Variants in ASAP2 observed in about 807,000 individuals in gnomAD.
The protein encoded by ASAP2 is ArfGAP with SH3 domain, ankyrin repeat and PH domain 2.
ASAP2 carries 45 observed loss-of-function variants against 131.4 expected under a neutral mutation model. The ratio of observed to expected loss-of-function variants is 0.34; its 90% CI spans 0.27 to 0.44. The LOEUF (loss-of-function observed/expected upper bound fraction) is 0.44, where lower values mean the gene tolerates loss of function less well. Ranked by LOEUF, ASAP2 falls within the 20% of genes least tolerant of loss-of-function variation. The pLI, the probability that ASAP2 is intolerant of heterozygous loss-of-function variation, is 1.00. For missense variants in ASAP2, 1,011 were observed against 1,297.0 expected, an observed-to-expected ratio of 0.78 and a Z score of 3.39; for synonymous variants, 510 against 503.0, an observed-to-expected ratio of 1.01 and a Z score of -0.19.
intron 1 of ASAP2, among the ~76,000 whole-genome samples, chr2:9,243,947 G>A (rs959416081): frequency 4.6e-5 from 7 of 152,098 alleles, no homozygotes; most frequent in Non-Finnish European, 1.0e-4. Context: ...ATATGTATAT[G>A]AAGTTTTCTT....
chr2:9,361,429 T>C (rs1193026256), intron 15 of ASAP2, among the ~76,000 whole-genome samples: 1 of 152,210 alleles, frequency 6.6e-6, no homozygotes, highest in Non-Finnish European at 1.5e-5. Flanking sequence ...GCTCTAAACC[T>C]TATTCCTTAG....
chr2:9,324,138 C>G (rs562245123), intron 6 of ASAP2, among the ~76,000 whole-genome samples: 1 of 152,194 alleles, frequency 6.6e-6, no homozygotes, highest in South Asian at 2.1e-4. Context: ...CTCTTAATTC[C>G]CTCTGAGCAA....
intron 1 of ASAP2, among the ~76,000 whole-genome samples, chr2:9,270,785 A>ATTTTTTTTTTTTTTTC (rs1666303613): frequency 3.8e-5 from 2 of 52,924 alleles, no homozygotes; most frequent in Non-Finnish European, 6.9e-5. Context: ...AATTGTTTTC[A>ATTTTTTTTTTTTTTTC]TTTTTTTTTT....
chr2:9,250,408 A>G (rs1262264132), intron 1 of ASAP2, among the ~76,000 whole-genome samples: 2 of 152,216 alleles, frequency 1.3e-5, no homozygotes, highest in Non-Finnish European at 2.9e-5. Context: ...CCCAGGTGCC[A>G]TGCATGACTT....
In ASAP2 at chr2:9,404,746, T is replaced by C. The variant is rs1187744590; in HGVS notation, c.*1419T>C. ...TGCAAGACTGTGTAGAGTTTTTTTT[T>C]TTTTTGGCATTGTACTTTTTGTTTT... On this transcript the variant is annotated 3_prime_UTR_variant, in exon 28 of 28. Coordinates refer to ENST00000281419, the MANE Select transcript of ASAP2 (RefSeq NM_003887.3). 6.6e-6 allele frequency: 1 copy of C among 152,606 alleles called. No individual in the cohort carries two copies. Among genetic ancestry groups the C allele is most frequent in the Admixed American group, 6.5e-5 (1 of 15,280 alleles). 9.5% of individuals were successfully genotyped at this position (152,606 alleles called of 1,614,324 possible).
chr2:9,322,919 A>G, intron 5 of ASAP2, among the ~76,000 whole-genome samples: 1 of 152,164 alleles, frequency 6.6e-6, no homozygotes, highest in Admixed American at 6.5e-5. Context: ...CCTAGGAAAT[A>G]CTTGTTGAGT....
intron 1 of ASAP2, among the ~76,000 whole-genome samples, chr2:9,267,888 A>T (rs1666048700): frequency 8.2e-6 from 1 of 122,604 alleles, no homozygotes; most frequent in African/African-American, 3.5e-5. Flanking sequence ...ACAGAGCAAG[A>T]CTCTATCTCA....
intron 1 of ASAP2, among the ~76,000 whole-genome samples, chr2:9,256,875 C>T (rs370265481): frequency 2.3e-4 from 35 of 152,348 alleles, no homozygotes; most frequent in African/African-American, 8.4e-4. Flanking sequence ...CTCTTAGCCG[C>T]TTGTCCTGTC....
At chr2:9,344,704 T>G in intron 10 of ASAP2, 27 bp from the exon 11 acceptor site, 2 of 1,613,536 alleles carry the variant, frequency 1.2e-6, no homozygotes, top group South Asian at 1.1e-5. Context: ...GTCTAAACTC[T>G]TATTGTTTCT....
Position 9,281,924 on chromosome 2 carries a change from C to G in ASAP2, c.199+2535C>G, listed in dbSNP as rs904056365. The stretch of plus-strand genomic sequence containing the variant: ...ACTCAGGCCACCTGTCCCGACCCTC[C>G]CCACCTGGACTCCTCTGTGCCCTTC... On this transcript the variant is annotated intron_variant, in intron 2 of 27. Coordinates refer to ENST00000281419, the MANE Select transcript of ASAP2 (RefSeq NM_003887.3). The surrounding 1 kb of genome is among the most constrained non-coding windows in gnomAD (Gnocchi z 4.0). Among the ~76,000 whole-genome samples the G allele has an allele frequency of 6.6e-6, 1 of 152,190 alleles. No individual in the cohort carries two copies. The highest frequency in any genetic ancestry group is 1.5e-5 in the Non-Finnish European group (1 of 68,046).
intron 3 of ASAP2, among the ~76,000 whole-genome samples, chr2:9,317,223 ACAAT>A (rs780152482): frequency 3.4e-5 from 5 of 147,456 alleles, no homozygotes; most frequent in Admixed American, 1.3e-4. Context: ...CCACACTCAC[ACAAT>A]CACACAACCA....
At chr2:9,274,764 A>C (rs963281734) in intron 1 of ASAP2, among the ~76,000 whole-genome samples, 56 of 152,198 alleles carry the variant, frequency 3.7e-4, no homozygotes, top group Admixed American at 2.6e-4. Flanking sequence ...TTTAATTAAA[A>C]ATTACCTCTT....
chr2:9,299,113 G>A (rs1324931747), intron 3 of ASAP2, among the ~76,000 whole-genome samples: 2 of 152,160 alleles, frequency 1.3e-5, no homozygotes, highest in Non-Finnish European at 2.9e-5. Context: ...TAGAAAGAGA[G>A]AAGGTTGTCA....
chr2:9,257,771 G>T (rs182895497), intron 1 of ASAP2, among the ~76,000 whole-genome samples: 1 of 152,126 alleles, frequency 6.6e-6, no homozygotes, highest in Non-Finnish European at 1.5e-5. Flanking sequence ...TGATCCGCCC[G>T]CCTCGGCCTC....
rs1376636451 is a variant in ASAP2, at chr2:9,389,232, G to A, written c.2383+686G>A. Among the ~76,000 whole-genome samples the A allele has an allele frequency of 1.3e-5, 2 of 152,218 alleles. No individual in the cohort carries two copies. Among genetic ancestry groups the A allele is most frequent in the Admixed American group, 6.5e-5 (1 of 15,288 alleles). ...GGTGCTTCTTGAAGGCAGGTCCGGC[G>A]AGTGACCCACTCAGCTCTGGGCTGA... On this transcript the variant is annotated intron_variant, in intron 22 of 27. Coordinates refer to ENST00000281419, the MANE Select transcript of ASAP2 (RefSeq NM_003887.3). This position sits in a 1 kb window ranked among gnomAD's most constrained non-coding sequence, Gnocchi z 4.7.
intron 2 of ASAP2, among the ~76,000 whole-genome samples, chr2:9,289,684 T>C (rs918189020): frequency 1.4e-4 from 22 of 152,138 alleles, no homozygotes; most frequent in African/African-American, 5.3e-4. Flanking sequence ...TTGAACTCAT[T>C]TGAACATCAC....
At chr2:9,252,036 T>C (rs1664745681) in intron 1 of ASAP2, among the ~76,000 whole-genome samples, 1 of 152,152 alleles carries the variant, frequency 6.6e-6, no homozygotes, top group Non-Finnish European at 1.5e-5. Flanking sequence ...CCAGTAGGTG[T>C]TAGAGTGTTA....
rs1483074008 is a variant in ASAP2, at chr2:9,245,812, A to G, written c.127-33505A>G. The stretch of plus-strand genomic sequence containing the variant: ...AGTGTCATGGATGCTCCTGGGGGAC[A>G]GAGCCTTTGTTTTCTTCGCCACCAG... On this transcript the variant is annotated intron_variant, in intron 1 of 27. Coordinates refer to ENST00000281419, the MANE Select transcript of ASAP2 (RefSeq NM_003887.3). Among the ~76,000 whole-genome samples, 4 of 152,266 alleles carry G rather than the reference A, an allele frequency of 2.6e-5. No individual in the cohort carries two copies. The East Asian group carries it at 7.7e-4, about 29-fold the overall frequency.
intron 9 of ASAP2, among the ~76,000 whole-genome samples, chr2:9,341,785 C>A (rs993879161): frequency 6.6e-6 from 1 of 152,158 alleles, no homozygotes; most frequent in Non-Finnish European, 1.5e-5. Flanking sequence ...TGCCGATGTT[C>A]CGCCCTTCTG....
Sources: allele counts gnomAD v4.1 joint callset (sites outside exome capture counted in the v4.1 genomes callset), GRCh38; gene constraint gnomAD v4.1.1; non-coding constraint Gnocchi (gnomAD v3.1); transcripts MANE v1.5; gene names NCBI Gene and HGNC (gene_info 2026-07-23, HGNC 2026-07-21).